Variants in TBC1D4 observed in about 807,000 individuals in gnomAD.
TBC1D4 encodes TBC (Tre-2, BUB2, CDC16) domain-containing protein.
Under a neutral mutation model 142.5 loss-of-function variants are expected in TBC1D4, and 121 were observed. The observed-to-expected ratio is 0.85, with a 90% CI of 0.73 to 0.99. The LOEUF (loss-of-function observed/expected upper bound fraction) is 0.99. Among genes scored for constraint, TBC1D4 ranks in the 50% least tolerant of loss-of-function variants. The probability of loss-of-function intolerance (pLI) is 0.00; values close to 1 mark genes in which losing one functional copy is unlikely to be tolerated. For synonymous variants in TBC1D4, 630 were observed against 628.2 expected, an observed-to-expected ratio of 1.00 and a Z score of -0.04; for missense variants, 1,475 against 1,606.6, an observed-to-expected ratio of 0.92 and a Z score of 1.40.
chr13:75,439,642 T>C (rs1886951050), intron 1 of TBC1D4, among the ~76,000 whole-genome samples: 1 of 152,192 alleles, frequency 6.6e-6, no homozygotes, highest in Non-Finnish European at 1.5e-5. Context: ...GGCAAGGTTT[T>C]TGTTGTTGTC....
intron 12 of TBC1D4, among the ~76,000 whole-genome samples, chr13:75,313,243 A>T (rs900050869): frequency 3.3e-5 from 5 of 152,232 alleles, no homozygotes; most frequent in Admixed American, 1.3e-4. Flanking sequence ...TAACATGAAT[A>T]GCTTATTTGA....
chr13:75,294,671 G>GT (rs1875701722), intron 18 of TBC1D4, among the ~76,000 whole-genome samples, 183 bp downstream of exon 18: 1 of 152,142 alleles, frequency 6.6e-6, no homozygotes, highest in South Asian at 2.1e-4. Flanking sequence ...TCAATTTTAT[G>GT]TAAGACAAGT....
At chr13:75,363,008 A>G (rs542676969) in intron 1 of TBC1D4, among the ~76,000 whole-genome samples, 1 of 152,318 alleles carries the variant, frequency 6.6e-6, no homozygotes, top group East Asian at 1.9e-4. Context: ...GGAGATTAAA[A>G]CCTAGACATC....
chr13:75,412,279 TTTTG>T (rs896091075), intron 1 of TBC1D4, among the ~76,000 whole-genome samples: 2 of 152,032 alleles, frequency 1.3e-5, no homozygotes, highest in African/African-American at 2.4e-5. Context: ...GTGGGGTTTT[TTTTG>T]TTTGTTTGTT....
intron 18 of TBC1D4, among the ~76,000 whole-genome samples, chr13:75,293,794 C>T (rs992667524): frequency 2.0e-5 from 3 of 152,164 alleles, no homozygotes; most frequent in African/African-American, 7.2e-5. Context: ...TATATATATA[C>T]ATTACACATA....
intron 1 of TBC1D4, among the ~76,000 whole-genome samples, chr13:75,389,069 G>A (rs1274199613): frequency 9.8e-5 from 15 of 152,312 alleles, no homozygotes; most frequent in Admixed American, 1.3e-4. Flanking sequence ...CATGCTTGGC[G>A]CATAAGTGCT....
chr13:75,350,023 A>C (rs1378472721), intron 4 of TBC1D4, among the ~76,000 whole-genome samples: 2 of 152,146 alleles, frequency 1.3e-5, no homozygotes, highest in Non-Finnish European at 2.9e-5. Flanking sequence ...TAGCCTTTTT[A>C]TTTCCTGGAT....
intron 1 of TBC1D4, among the ~76,000 whole-genome samples, chr13:75,411,956 T>A (rs570832386): frequency 3.5e-4 from 53 of 152,274 alleles, no homozygotes; most frequent in African/African-American, 1.3e-3. Context: ...AATCAGTCAG[T>A]TTAATAAGAT....
intron 1 of TBC1D4, among the ~76,000 whole-genome samples, chr13:75,385,502 G>C (rs558879678): frequency 6.6e-6 from 1 of 152,198 alleles, no homozygotes; most frequent in African/African-American, 2.4e-5. Flanking sequence ...CACCTGAAAA[G>C]CAGGTGCCTG....
rs145180255 is a variant in TBC1D4 at position 75,402,389 on chromosome 13, C to T, written c.499-39782G>A. On this transcript the variant is annotated intron_variant, in intron 1 of 20. Coordinates refer to ENST00000377636, the MANE Select transcript of TBC1D4 (RefSeq NM_014832.5). Reference sequence around the variant, plus strand: ...GCCGCAACTTAAGCTTTCGTTGAAACATGCCAAAGGACTGAATAGAACATT... The same window carrying T: ...GCCGCAACTTAAGCTTTCGTTGAAATATGCCAAAGGACTGAATAGAACATT... 7.7e-3 allele frequency among the ~76,000 whole-genome samples: 1,166 copies of T among 152,224 alleles called. 21 individuals are homozygous for T. The highest frequency in any genetic ancestry group is 0.027 in the African/African-American group (1,108 of 41,514).
At chr13:75,454,119 TCAAA>T (rs1333499684) in intron 1 of TBC1D4, among the ~76,000 whole-genome samples, 1 of 151,796 alleles carries the variant, frequency 6.6e-6, no homozygotes, top group East Asian at 1.9e-4. Flanking sequence ...CCCTCCAGGC[TCAAA>T]CAATCTTCCT....
chr13:75,337,029 AT>A lies in TBC1D4; in HGVS notation c.1622del (p.Asn541IlefsTer19). ...TTGTTGCATTTTCTGGGATTGTACTATTTGAAATAGTCTAAAAAAAGAAAAA... is the reference window on the plus strand; with the variant it reads ...TTGTTGCATTTTCTGGGATTGTACTATTGAAATAGTCTAAAAAAAGAAAAA... ...HIGEGPSTISNSTIPENATSS... is the reference protein window; with the variant it reads ...HIGEGPSTISXSTIPENATSS... On this transcript the variant is annotated frameshift_variant, in exon 8 of 21. Coordinates refer to ENST00000377636, the MANE Select transcript of TBC1D4 (RefSeq NM_014832.5). LOFTEE classifies it high-confidence loss of function. The A allele has an allele frequency of 6.2e-7, 1 of 1,613,040 alleles. No homozygotes were observed. The highest frequency in any genetic ancestry group is 1.1e-5 in the South Asian group (1 of 91,022).
chr13:75,410,118 C>A (rs114675617), intron 1 of TBC1D4, among the ~76,000 whole-genome samples: 1 of 152,270 alleles, frequency 6.6e-6, no homozygotes, highest in African/African-American at 2.4e-5. Context: ...AGCTAATGTA[C>A]GTAAATAACG....
chr13:75,349,827 C>A (rs568772), intron 4 of TBC1D4, among the ~76,000 whole-genome samples: 70,401 of 151,950 alleles, frequency 0.46, 16,853 homozygotes, highest in South Asian at 0.72. Flanking sequence ...AAGTCTGTGA[C>A]TAATGCTGGC....
chr13:75,398,879 T>G (rs918776028), intron 1 of TBC1D4, among the ~76,000 whole-genome samples: 4 of 152,138 alleles, frequency 2.6e-5, no homozygotes, highest in African/African-American at 9.7e-5. Context: ...CAAGGGGGTT[T>G]CTAAGACTTT....
At chr13:75,344,448 T>C (rs1360331699) in intron 5 of TBC1D4, among the ~76,000 whole-genome samples, 2 of 152,224 alleles carry the variant, frequency 1.3e-5, no homozygotes, top group Admixed American at 6.5e-5. Flanking sequence ...ATGAATCTGA[T>C]TGGACTTCCT....
intron 1 of TBC1D4, among the ~76,000 whole-genome samples, chr13:75,399,705 TGC>T: frequency 6.6e-6 from 1 of 152,346 alleles, no homozygotes; most frequent in African/African-American, 2.4e-5. Context: ...GGATTAAATA[TGC>T]ACCCATAAAT....
chr13:75,332,055 T>A (rs1251128926), intron 8 of TBC1D4, among the ~76,000 whole-genome samples: 1 of 152,164 alleles, frequency 6.6e-6, no homozygotes, highest in Non-Finnish European at 1.5e-5. Flanking sequence ...CAAAACAGAT[T>A]GGCTGTGCCC....
At chr13:75,305,252 T>G (rs1357784329) in intron 15 of TBC1D4, among the ~76,000 whole-genome samples, 3 of 152,222 alleles carry the variant, frequency 2.0e-5, no homozygotes, top group African/African-American at 7.2e-5. Context: ...CCTCTTTTTC[T>G]TTAGAAATTA....
Sources: gnomAD v4.1 joint callset for allele counts (sites outside exome capture counted in the v4.1 genomes callset) on GRCh38, gnomAD v4.1.1 for gene constraint, MANE v1.5 for transcripts, NCBI Gene and HGNC (gene_info 2026-07-23, HGNC 2026-07-21) for gene names.